Variants in OSBPL10 observed in about 807,000 individuals in gnomAD.
OSBPL10 encodes the protein oxysterol-binding protein-related protein 10.
OSBPL10 carries 49 observed loss-of-function variants against 81.7 expected under a neutral mutation model. The observed-to-expected ratio is 0.60, with a 90% confidence interval of 0.48 to 0.76. The LOEUF (loss-of-function observed/expected upper bound fraction) is 0.76, where lower values mean the gene tolerates loss of function less well. Ranked by LOEUF, OSBPL10 falls within the 30% of genes least tolerant of loss-of-function variation. The pLI, the probability that OSBPL10 is intolerant of heterozygous loss-of-function variation, is 0.00. For synonymous variants in OSBPL10, 419 were observed against 383.6 expected (o/e 1.09, Z -1.08); for missense variants, 923 against 987.8 (o/e 0.93, Z 0.88).
intron 3 of OSBPL10, among the ~76,000 whole-genome samples, chr3:31,871,118 TC>T (rs200338731): frequency 0.026 from 4,026 of 152,210 alleles, 169 homozygotes; most frequent in African/African-American, 0.084. Context: ...GGCAACCCGT[TC>T]CCGTCCCCTT....
upstream of OSBPL10, among the ~76,000 whole-genome samples, chr3:31,985,614 A>G (rs1364029359): frequency 6.6e-6 from 1 of 152,164 alleles, no homozygotes; most frequent in African/African-American, 2.4e-5. Context: ...ACCAGCAAGT[A>G]AGTGAGTGGA....
chr3:31,923,587 C>T (rs561910173), intron 1 of OSBPL10, among the ~76,000 whole-genome samples: 1 of 151,990 alleles, frequency 6.6e-6, no homozygotes, highest in South Asian at 2.1e-4. Context: ...CCCAAAAGTT[C>T]GAGACCAGAC....
chr3:31,925,702 A>T (rs958573580), intron 1 of OSBPL10, among the ~76,000 whole-genome samples: 3 of 152,096 alleles, frequency 2.0e-5, no homozygotes, highest in African/African-American at 7.2e-5. Context: ...AATCCCAGCT[A>T]CTTGGGAGGC....
chr3:31,906,264 A>G (rs567899642), intron 1 of OSBPL10, among the ~76,000 whole-genome samples: 9 of 152,306 alleles, frequency 5.9e-5, no homozygotes, highest in Non-Finnish European at 1.3e-4. Flanking sequence ...CCACAAGCAG[A>G]CTAGAGCCAA....
intron 1 of OSBPL10, chr3:31,919,279 C>T (rs377439421): frequency 1.2e-4 from 18 of 152,252 alleles, no homozygotes; most frequent in African/African-American, 3.9e-4. Flanking sequence ...AACAGCACTC[C>T]GCAGAGGAAA....
intron 2 of OSBPL10, among the ~76,000 whole-genome samples, chr3:32,014,308 C>T (rs1279735305): frequency 3.9e-5 from 6 of 152,104 alleles, no homozygotes; most frequent in Non-Finnish European, 7.3e-5. Context: ...AATCAATAAA[C>T]GTAATCCAGC....
intron 3 of OSBPL10, among the ~76,000 whole-genome samples, chr3:31,870,747 G>T (rs972166589): frequency 6.6e-6 from 1 of 152,178 alleles, no homozygotes; most frequent in South Asian, 2.1e-4. Flanking sequence ...TAGCTGCTCT[G>T]GTGGGGCCTT....
At chr3:31,968,673 T>C (rs576416942) in intron 1 of OSBPL10, among the ~76,000 whole-genome samples, 5 of 152,354 alleles carry the variant, frequency 3.3e-5, no homozygotes, top group African/African-American at 1.2e-4. Flanking sequence ...AACATGCCAT[T>C]CTGGCTTTTA....
Position 31,926,292 on chromosome 3 carries a change from C to CCCCA in OSBPL10, c.282-46463_282-46462insTGGG, listed in dbSNP as rs1553641109. ...GTTCTCAACCATGGGTGATTTTGCC[C>CCCCA]CCCCAGAGGATAGCTGCAATGTCTG... On this transcript the variant is annotated intron_variant, in intron 1 of 11. Transcript: ENST00000396556. Among the ~76,000 whole-genome samples, 380 of 144,496 alleles carry CCCCA rather than the reference C, an allele frequency of 2.6e-3. 27 individuals carry two copies. Among genetic ancestry groups the CCCCA allele is most frequent in the African/African-American group, 9.7e-3 (364 of 37,344 alleles). The allele number at this position is 144,496 out of a possible 152,430, so 94.8% of individuals were successfully genotyped here.
At chr3:31,893,714 G>C (rs567469936) in intron 1 of OSBPL10, among the ~76,000 whole-genome samples, 1 of 152,042 alleles carries the variant, frequency 6.6e-6, no homozygotes, top group East Asian at 1.9e-4. Context: ...CAACATGGAT[G>C]AACCTCAAAA....
At chr3:31,996,657 CG>C (rs1699092921) in intron 2 of OSBPL10, among the ~76,000 whole-genome samples, 1 of 152,042 alleles carries the variant, frequency 6.6e-6, no homozygotes, top group African/African-American at 2.4e-5. Context: ...AAGCTGTTGC[CG>C]GGTGCTGACG....
intron 4 of OSBPL10, among the ~76,000 whole-genome samples, chr3:31,783,789 T>TAAAAA (rs869137696): frequency 1.5e-4 from 3 of 19,962 alleles, no homozygotes; most frequent in Non-Finnish European, 1.9e-4. Context: ...AGACTCCGAT[T>TAAAAA]AAAAAAAAAA....
At chr3:31,757,066 G>T (rs893193144) in intron 4 of OSBPL10, among the ~76,000 whole-genome samples, 1 of 152,116 alleles carries the variant, frequency 6.6e-6, no homozygotes, top group Non-Finnish European at 1.5e-5. Flanking sequence ...TTCCTATGCA[G>T]CTTATTTTTG....
chr3:31,818,269 C>T (rs1378842175), intron 4 of OSBPL10, among the ~76,000 whole-genome samples: 2 of 152,136 alleles, frequency 1.3e-5, no homozygotes, highest in African/African-American at 4.8e-5. Flanking sequence ...AAAAGACTGA[C>T]CTCCTCTTGA....
chr3:31,928,762 CAAAA>C (rs58345341), intron 1 of OSBPL10, among the ~76,000 whole-genome samples: 23,902 of 95,228 alleles, frequency 0.25, 2,516 homozygotes, highest in South Asian at 0.37. Flanking sequence ...GACTTGTCTC[CAAAA>C]AAAAAAAAAA....
rs11129472 is a variant in OSBPL10 at position 31,946,403 on chromosome 3, CAAA to C, written c.281+34493_281+34495del. Among the ~76,000 whole-genome samples the C allele has an allele frequency of 1.5e-3, 212 of 143,362 alleles. 1 individual carries two copies. The highest frequency in any genetic ancestry group is 4.7e-3 in the African/African-American group (187 of 40,162). The allele number at this position is 143,362 out of a possible 152,430, so 94.1% of individuals were successfully genotyped here. Reference sequence around the variant, plus strand: ...AGAATTTTATTAAGTTGTTTTTTATCAAAAAAAAAAAAAACCCTTGTATTAAGA... The same window carrying C: ...AGAATTTTATTAAGTTGTTTTTTATCAAAAAAAAAAACCCTTGTATTAAGA... On this transcript the variant is annotated intron_variant, in intron 1 of 11. Transcript: ENST00000396556.
At chr3:32,037,952 C>T (rs1328733769) in intron 2 of OSBPL10, among the ~76,000 whole-genome samples, 1 of 152,188 alleles carries the variant, frequency 6.6e-6, no homozygotes, top group East Asian at 1.9e-4. Flanking sequence ...GAAAACACTG[C>T]TGTGAAATGT....
intron 4 of OSBPL10, among the ~76,000 whole-genome samples, chr3:31,827,254 T>C (rs1317932360): frequency 1.3e-5 from 2 of 151,934 alleles, no homozygotes; most frequent in African/African-American, 4.8e-5. Flanking sequence ...TATGGAAAAT[T>C]TCAATAGCTT....
chr3:31,882,086 G>A (rs908876393), intron 1 of OSBPL10, among the ~76,000 whole-genome samples: 1 of 152,166 alleles, frequency 6.6e-6, no homozygotes, highest in Non-Finnish European at 1.5e-5. Flanking sequence ...GAAGCTGAAA[G>A]CTCCTTTGCC....
Sources: allele counts gnomAD v4.1 joint callset (sites outside exome capture counted in the v4.1 genomes callset), GRCh38; gene constraint gnomAD v4.1.1; transcripts MANE v1.5; gene names NCBI Gene and HGNC (gene_info 2026-07-23, HGNC 2026-07-21).